Variants in CRAMP1 observed in about 807,000 individuals in gnomAD.
CRAMP1 encodes the protein cramped chromatin regulator 1.
A neutral mutation model predicts 115.4 loss-of-function variants in CRAMP1; 50 were observed. The ratio of observed to expected loss-of-function variants is 0.43; its 90% CI spans 0.35 to 0.55. The LOEUF (loss-of-function observed/expected upper bound fraction) is 0.55. CRAMP1 is among the 20% of genes least tolerant of loss of function. CRAMP1 has a pLI of 0.01. For synonymous variants in CRAMP1, 866 were observed against 745.4 expected (o/e 1.16, Z -2.64); for missense variants, 1,679 against 1,721.7 (o/e 0.98, Z 0.44).
intron 2 of CRAMP1, among the ~76,000 whole-genome samples, chr16:1,620,996 C>A (rs1425694566): frequency 6.6e-6 from 1 of 152,034 alleles, no homozygotes; most frequent in Non-Finnish European, 1.5e-5. Flanking sequence ...ATGGAGATAA[C>A]TACCCATTGC....
Position 1,656,847 on chromosome 16 carries a change from A to G in CRAMP1, c.2090A>G (p.Lys697Arg), listed in dbSNP as rs2036780484. 1 of 1,550,918 alleles carries G rather than the reference A, an allele frequency of 6.4e-7. No individual in the cohort carries two copies. Among genetic ancestry groups the G allele is most frequent in the Non-Finnish European group, 8.7e-7 (1 of 1,147,244 alleles). ...TLAEVYLMMG[K>R]PSKLQLEYDW... Reference sequence around the variant, plus strand: ...GCCGAAGTCTACCTCATGATGGGCAAGCCCAGCAAGCTGCAGCTGGAGTAC... The same window carrying G: ...GCCGAAGTCTACCTCATGATGGGCAGGCCCAGCAAGCTGCAGCTGGAGTAC... Residue 697 changes from lysine to arginine, a missense_variant, in exon 10 of 21, where the codon AAG becomes AGG. Coordinates refer to ENST00000397412, the MANE Select transcript of CRAMP1 (RefSeq NM_020825.4). The surrounding 1 kb of genome is among the most constrained non-coding windows in gnomAD (Gnocchi z 5.6).
chr16:1,654,875 C>G (rs1256598035), intron 8 of CRAMP1, among the ~76,000 whole-genome samples: 1 of 152,260 alleles, frequency 6.6e-6, no homozygotes, highest in East Asian at 1.9e-4. Context: ...TTAACACTGT[C>G]CAGGCCCGCC....
In CRAMP1 at chr16:1,653,094, A is replaced by G; in HGVS notation, c.975A>G (p.Leu325=). The change falls in exon 8 of 21, where the codon CTA becomes CTG. Residue 325 remains leucine, a synonymous_variant. Transcript: ENST00000397412. ...VRLPLKVPIE[L]QPRNNHAWAR... The stretch of plus-strand genomic sequence containing the variant: ...TGCCTCTGAAAGTCCCTATAGAGCT[A>G]CAGCCGCGGAACAACCACGCCTGGG... 6.2e-7 allele frequency: 1 copy of G among 1,612,858 alleles called. No individual in the cohort carries two copies. The highest frequency in any genetic ancestry group is 8.5e-7 in the Non-Finnish European group (1 of 1,179,434).
At chr16:1,664,400 C>T (rs2036857005) in intron 13 of CRAMP1, among the ~76,000 whole-genome samples, 1 of 152,194 alleles carries the variant, frequency 6.6e-6, no homozygotes, top group African/African-American at 2.4e-5. Context: ...GGAGGTGTCA[C>T]TCCTAAAAGT....
rs2036403815 is a variant in CRAMP1, at chr16:1,614,856, C to T, written c.217C>T (p.Gln73Ter). ...PGAPQAPSPPQGSPQDQHHFL... is the reference protein window; with the variant it reads ...PGAPQAPSPP ...CGCGCCGCAGGCGCCGTCCCCGCCG[C>T]AGGGCAGCCCCCAGGACCAGCACCA... Residue 73 changes from glutamine to a stop codon, truncating the protein, a stop_gained, in exon 2 of 21, where the codon CAG becomes TAG. Coordinates refer to ENST00000397412, the MANE Select transcript of CRAMP1 (RefSeq NM_020825.4). LOFTEE classifies it high-confidence loss of function. This position sits in a 1 kb window ranked among gnomAD's most constrained non-coding sequence, Gnocchi z 4.4. The T allele has an allele frequency of 1.5e-6, 2 of 1,304,490 alleles. No homozygotes were observed. Among genetic ancestry groups the T allele is most frequent in the African/African-American group, 1.5e-5 (1 of 65,054 alleles). The allele number at this position is 1,304,490 out of a possible 1,614,324, so 80.8% of individuals were successfully genotyped here. A position where few individuals can be genotyped will look rare whatever the true frequency, so the allele number is the denominator to read the frequency against.
chr16:1,639,226 G>T (rs9925938), intron 5 of CRAMP1, among the ~76,000 whole-genome samples: 12,163 of 152,104 alleles, frequency 0.08, 552 homozygotes, highest in African/African-American at 0.11. Context: ...AGGGTGTCCA[G>T]GTTCTTGGCA....
At chr16:1,662,414 C>A in intron 11 of CRAMP1, 76 bp from the exon 12 acceptor site, 9 of 1,228,304 alleles carry the variant, frequency 7.3e-6, no homozygotes, top group South Asian at 5.2e-5. Flanking sequence ...TGACTTTCTT[C>A]CCAACGGAAT....
Position 1,614,603 on chromosome 16 carries a change from C to T in CRAMP1, c.-1-36C>T, listed in dbSNP as rs780609611. The T allele has an allele frequency of 1.1e-4, 127 of 1,201,338 alleles. No homozygotes were observed. The highest frequency in any genetic ancestry group is 1.3e-4 in the Non-Finnish European group (120 of 959,560). The allele number at this position is 1,201,338 out of a possible 1,614,324, so 74.4% of individuals were successfully genotyped here. On this transcript the variant is annotated intron_variant, in intron 1 of 20. Coordinates refer to ENST00000397412, the MANE Select transcript of CRAMP1 (RefSeq NM_020825.4). The surrounding 1 kb of genome is among the most constrained non-coding windows in gnomAD (Gnocchi z 4.4). ...GGCCGCTAAACTTCCCGGCCTGCGCCCGCCTCACCGGCCGCCTCCCCTCTC... is the reference window on the plus strand; with the variant it reads ...GGCCGCTAAACTTCCCGGCCTGCGCTCGCCTCACCGGCCGCCTCCCCTCTC...
At chr16:1,667,466 T>C in intron 17 of CRAMP1, 66 bp downstream of exon 17, 1 of 1,285,512 alleles carries the variant, frequency 7.8e-7, no homozygotes. Context: ...TGCCCTGAGC[T>C]GCCACCTGCA....
chr16:1,662,973 A>C (rs2142204325), intron 13 of CRAMP1, 138 bp downstream of exon 13: 1 of 638,622 alleles, frequency 1.6e-6, no homozygotes, highest in East Asian at 2.8e-5. Flanking sequence ...TGAGTAGGGT[A>C]AAAATACAAG....
chr16:1,646,464 A>G (rs542469296), intron 6 of CRAMP1, among the ~76,000 whole-genome samples: 1 of 152,292 alleles, frequency 6.6e-6, no homozygotes, highest in East Asian at 1.9e-4. Context: ...GACTCATGAC[A>G]CCGAGTGTCT....
At chr16:1,670,248 C>T (rs1182622108) in intron 19 of CRAMP1, among the ~76,000 whole-genome samples, 2 of 150,918 alleles carry the variant, frequency 1.3e-5, no homozygotes, top group Admixed American at 6.6e-5. Context: ...TGGGCAAGAG[C>T]GAGACCCTGC....
chr16:1,623,342 GCCTTTGCCTCCTCTCCA>G (rs2036481536), intron 2 of CRAMP1, among the ~76,000 whole-genome samples: 1 of 152,184 alleles, frequency 6.6e-6, no homozygotes, highest in East Asian at 1.9e-4. Flanking sequence ...TCTCCTGTGT[GCCTTTGCCTCCTCTCCA>G]CCTCTGAGAG....
rs2036931370 is a variant in CRAMP1, at chr16:1,672,649, C to T, written c.3646-1232C>T. On this transcript the variant is annotated intron_variant, in intron 20 of 20. Coordinates refer to ENST00000397412, the MANE Select transcript of CRAMP1 (RefSeq NM_020825.4). This position sits in a 1 kb window ranked among gnomAD's most constrained non-coding sequence, Gnocchi z 4.9. ...GCTCTATTCAGAATTTTCCAGACTT[C>T]TTGCATTCACAGTGTCATGCAGTTC... 6.6e-6 allele frequency among the ~76,000 whole-genome samples: 1 copy of T among 152,232 alleles called. No individual in the cohort carries two copies. Among genetic ancestry groups the T allele is most frequent in the Non-Finnish European group, 1.5e-5 (1 of 68,042 alleles).
At chr16:1,641,634 C>G (rs982380198) in intron 6 of CRAMP1, among the ~76,000 whole-genome samples, 7 of 152,190 alleles carry the variant, frequency 4.6e-5, no homozygotes, top group African/African-American at 1.7e-4. Context: ...ACTGGCCGCT[C>G]TCCTCCCCTC....
intron 6 of CRAMP1, 63 bp downstream of exon 6, chr16:1,641,250 TA>T: frequency 5.8e-6 from 7 of 1,215,960 alleles, no homozygotes; most frequent in Non-Finnish European, 8.5e-6. Context: ...TTCTCTAAAA[TA>T]CAGAAGCTGA....
rs543204816 is a variant in CRAMP1, at chr16:1,669,454, G to C, written c.3499+289G>C. On this transcript the variant is annotated intron_variant, in intron 19 of 20. Coordinates refer to ENST00000397412, the MANE Select transcript of CRAMP1 (RefSeq NM_020825.4). The surrounding 1 kb of genome is among the most constrained non-coding windows in gnomAD (Gnocchi z 4.6). ...CCCGTGACCCCAGATGCTGGGTTCT[G>C]TGTGCCTTCCCAGTCTGTTCAGCTA... Among the ~76,000 whole-genome samples the C allele has an allele frequency of 6.6e-6, 1 of 152,168 alleles. No individual in the cohort carries two copies. The highest frequency in any genetic ancestry group is 6.5e-5 in the Admixed American group (1 of 15,284).
intron 11 of CRAMP1, among the ~76,000 whole-genome samples, chr16:1,660,578 TC>T (rs528019911): frequency 1.3e-3 from 201 of 152,330 alleles, no homozygotes; most frequent in African/African-American, 4.6e-3. Context: ...TAAATTGTGT[TC>T]CTGGTACATA....
intron 19 of CRAMP1, 187 bp from the exon 20 acceptor site, chr16:1,670,477 G>A (rs574419543): frequency 2.5e-5 from 16 of 637,668 alleles, no homozygotes; most frequent in Middle Eastern, 4.2e-4. Context: ...ATGCACGAAG[G>A]CCTGTTAAAC....
Sources: allele counts gnomAD v4.1 joint callset (sites outside exome capture counted in the v4.1 genomes callset), GRCh38; gene constraint gnomAD v4.1.1; non-coding constraint Gnocchi (gnomAD v3.1); transcripts MANE v1.5; gene names NCBI Gene and HGNC (gene_info 2026-07-23, HGNC 2026-07-21).